Variants in CPAP observed in about 807,000 individuals in gnomAD.
The protein encoded by CPAP is centrosome assembly and centriole elongation protein, also known as centrosomal P4.1-associated protein.
the CPAP span, among the ~76,000 whole-genome samples, chr13:24,898,926 G>A: frequency 2.6e-5 from 4 of 152,080 alleles, no homozygotes; most frequent in East Asian, 1.9e-4. Flanking sequence ...TGCCAATGTC[G>A]TAAATAAATT....
At chr13:24,884,210 C>T in the CPAP span, 5 of 1,614,118 alleles carry the variant, frequency 3.1e-6, no homozygotes, top group Admixed American at 1.7e-5. Context: ...CCGGGTATGT[C>T]GTGTGAGTGG....
At chr13:24,905,934 T>G in the CPAP span, 3 of 1,614,196 alleles carry the variant, frequency 1.9e-6, no homozygotes, top group Middle Eastern at 1.6e-4. Context: ...TCAGTGCTAC[T>G]GTCACTATTT....
At chr13:24,908,202 AC>A in the CPAP span, 2 of 1,009,840 alleles carry the variant, frequency 2.0e-6, no homozygotes, top group South Asian at 2.6e-5. Context: ...TCTACAAGTT[AC>A]TATGCTAAAA....
the CPAP span, among the ~76,000 whole-genome samples, chr13:24,896,935 T>C: frequency 6.6e-6 from 1 of 152,256 alleles, no homozygotes; most frequent in Non-Finnish European, 1.5e-5. Context: ...GGTTCAAGTA[T>C]ATGTCTTGTT....
chr13:24,906,773 C>T, the CPAP span: 11 of 1,614,004 alleles, frequency 6.8e-6, no homozygotes, highest in Middle Eastern at 1.6e-4. Flanking sequence ...AGCGGTTTTC[C>T]GCTGGAGTTG....
chr13:24,932,052 ACGCTGCGCTCTCCGAGTG>A, the CPAP span, among the ~76,000 whole-genome samples: 1 of 152,184 alleles, frequency 6.6e-6, no homozygotes, highest in East Asian at 1.9e-4. Flanking sequence ...CCTGCTAGGG[ACGCTGCGCTCTCCGAGTG>A]CGAGTTTTCG....
chr13:24,904,948 A>G, the CPAP span, among the ~76,000 whole-genome samples: 3 of 152,188 alleles, frequency 2.0e-5, no homozygotes, highest in African/African-American at 7.2e-5. Flanking sequence ...AAAATTTATC[A>G]TAAGCAAGGT....
At chr13:24,912,212 C>A in the CPAP span, 1 of 759,672 alleles carries the variant, frequency 1.3e-6, no homozygotes, top group Non-Finnish European at 2.2e-6. Context: ...ACTAAATCAG[C>A]CACCGAAAAT....
chr13:24,922,537 C>A, the CPAP span, among the ~76,000 whole-genome samples: 1 of 152,254 alleles, frequency 6.6e-6, no homozygotes, highest in African/African-American at 2.4e-5. Flanking sequence ...AGGCCGGCTT[C>A]CCCAGCTCTG....
the CPAP span, among the ~76,000 whole-genome samples, chr13:24,888,350 T>C: frequency 3.3e-5 from 5 of 152,050 alleles, no homozygotes; most frequent in South Asian, 1.0e-3. Flanking sequence ...GCGGAATATT[T>C]TATAAGGAGA....
chr13:24,893,002 A>AAAC, the CPAP span: 3 of 727,812 alleles, frequency 4.1e-6, no homozygotes, highest in Non-Finnish European at 7.0e-6. Context: ...ACGACATTTA[A>AAAC]GACGAATGTC....
the CPAP span, among the ~76,000 whole-genome samples, chr13:24,890,237 G>C: frequency 2.6e-5 from 4 of 152,304 alleles, no homozygotes; most frequent in East Asian, 5.8e-4. Context: ...GTTCCTAGTG[G>C]TTGAATCCAA....
the CPAP span, among the ~76,000 whole-genome samples, chr13:24,915,220 A>T: frequency 2.0e-5 from 3 of 152,318 alleles, no homozygotes; most frequent in East Asian, 5.8e-4. Context: ...ATTTCTTAAA[A>T]TTTCCTGGCT....
chr13:24,912,958 T>C, the CPAP span: 4,364 of 1,614,208 alleles, frequency 2.7e-3, 73 homozygotes, highest in East Asian at 0.04. Context: ...CCGAGAAGGA[T>C]TGGTCATCCA....
chr13:24,912,130 T>G, the CPAP span: 1 of 1,473,398 alleles, frequency 6.8e-7, no homozygotes, highest in Non-Finnish European at 9.5e-7. Context: ...GGACACCTCG[T>G]TCCCTTAATT....
At chr13:24,886,337 A>C in the CPAP span, 1 of 1,289,288 alleles carries the variant, frequency 7.8e-7, no homozygotes, top group African/African-American at 1.5e-5. Flanking sequence ...GAGCGGAGGC[A>C]GGTGGTCAGC....
chr13:24,913,324 T>C, the CPAP span, among the ~76,000 whole-genome samples: 1 of 152,116 alleles, frequency 6.6e-6, no homozygotes, highest in Non-Finnish European at 1.5e-5. Context: ...CAATTACTAA[T>C]GATTTTATAC....
chr13:24,885,467 G>A, the CPAP span: 3 of 1,197,332 alleles, frequency 2.5e-6, no homozygotes, highest in South Asian at 2.4e-5. Flanking sequence ...TCTAGGACTA[G>A]TGTTTACAAA....
At chr13:24,893,533 G>A in the CPAP span, among the ~76,000 whole-genome samples, 7 of 152,240 alleles carry the variant, frequency 4.6e-5, no homozygotes, top group African/African-American at 1.4e-4. Context: ...GCAGCCACAC[G>A]GCAGCCTGGT....
Sources: gnomAD v4.1 joint callset for allele counts (sites outside exome capture counted in the v4.1 genomes callset) on GRCh38, gnomAD v4.1.1 for gene constraint, MANE v1.5 for transcripts, NCBI Gene and HGNC (gene_info 2026-07-23, HGNC 2026-07-21) for gene names.